Variants in PCDHGA1 observed in about 807,000 individuals in gnomAD.
PCDHGA1 encodes protocadherin gamma subfamily A, 1.
PCDHGA1 carries 32 observed loss-of-function variants against 58.0 expected under a neutral mutation model. The observed-to-expected ratio is 0.55, with a 90% CI of 0.42 to 0.74. The LOEUF is 0.74. PCDHGA1 is among the 30% of genes least tolerant of loss of function. The probability of loss-of-function intolerance (pLI) is 0.00; values close to 1 mark genes in which losing one functional copy is unlikely to be tolerated. For missense variants in PCDHGA1, 1,205 were observed against 1,182.3 expected (o/e 1.02, Z -0.28); for synonymous variants, 498 against 501.1 (o/e 0.99, Z 0.08).
chr5:141,399,589 A>G (rs1460754588), intron 1 of PCDHGA1: 6 of 1,613,866 alleles, frequency 3.7e-6, no homozygotes, highest in Non-Finnish European at 3.4e-6. Context: ...CTACTCTATC[A>G]TGGCCAGCGA....
chr5:141,478,101 T>G, intron 1 of PCDHGA1: 1 of 1,614,018 alleles, frequency 6.2e-7, no homozygotes, highest in Middle Eastern at 1.6e-4. Flanking sequence ...ACTGCTACCC[T>G]CACTGTGTCA....
intron 1 of PCDHGA1, chr5:141,357,302 C>G: frequency 3.7e-6 from 6 of 1,614,086 alleles, no homozygotes; most frequent in Non-Finnish European, 5.1e-6. Context: ...GCCGCTGTCT[C>G]CTGCGTCTTC....
rs186593502 is a variant in PCDHGA1 at position 141,429,415 on chromosome 5, A to G, written c.2422-65392A>G. Among the ~76,000 whole-genome samples, 582 of 151,976 alleles carry G rather than the reference A, an allele frequency of 3.8e-3. 6 individuals carry two copies. The highest frequency in any genetic ancestry group is 0.011 in the Admixed American group (171 of 15,260). ...AAAAAATTGAGATTAAGGTCTCATT[A>G]TGTTGCCCAGGCTGGACTCAAACTC... is the stretch of plus-strand genomic sequence containing the variant. On this transcript the variant is annotated intron_variant, in intron 1 of 3. Transcript: ENST00000517417.
rs371690754 is a variant in PCDHGA1 at position 141,388,891 on chromosome 5, T to C, written c.2421+55786T>C. 1.9e-5 allele frequency: 31 copies of C among 1,613,872 alleles called. No individual in the cohort carries two copies. Among genetic ancestry groups the C allele is most frequent in the Middle Eastern group, 1.6e-4 (1 of 6,062 alleles). On this transcript the variant is annotated intron_variant, in intron 1 of 3. Coordinates refer to ENST00000517417, the MANE Select transcript of PCDHGA1 (RefSeq NM_018912.3). ...CAATGCACAGTGGAGGTAGAAGTCA[T>C]AGATGAAAATGACAACGCCCCAGAA... is the stretch of plus-strand genomic sequence containing the variant.
intron 1 of PCDHGA1, chr5:141,355,358 G>A: frequency 1.2e-6 from 2 of 1,614,048 alleles, no homozygotes; most frequent in Non-Finnish European, 1.7e-6. Context: ...AAGGACCTGG[G>A]GTTGGCGCCC....
At chr5:141,439,126 G>A (rs2098089550) in intron 1 of PCDHGA1, among the ~76,000 whole-genome samples, 1 of 151,328 alleles carries the variant, frequency 6.6e-6, no homozygotes, top group African/African-American at 2.4e-5. Flanking sequence ...CCGGGAGACA[G>A]AGGTTGCAGT....
At chr5:141,361,549 G>C in intron 1 of PCDHGA1, 1 of 1,614,036 alleles carries the variant, frequency 6.2e-7, no homozygotes, top group Non-Finnish European at 8.5e-7. Flanking sequence ...CGCCTCTATC[G>C]CTCAAATCAG....
At chr5:141,388,365 G>A (rs2091332064) in intron 1 of PCDHGA1, 1 of 1,614,002 alleles carries the variant, frequency 6.2e-7, no homozygotes, top group East Asian at 2.2e-5. Flanking sequence ...CCATGATGCG[G>A]ATATTGGTAG....
At chr5:141,380,329 C>G (rs2150159068) in intron 1 of PCDHGA1, among the ~76,000 whole-genome samples, 1 of 152,142 alleles carries the variant, frequency 6.6e-6, no homozygotes, top group Non-Finnish European at 1.5e-5. Flanking sequence ...CTAAATGGAA[C>G]TTCAAAGAAC....
chr5:141,372,860 A>T (rs1224709282), intron 1 of PCDHGA1: 1 of 1,419,644 alleles, frequency 7.0e-7, no homozygotes, highest in African/African-American at 1.4e-5. Context: ...GTTTCAATTC[A>T]TTGATTTAGA....
At position 141,431,412 on chromosome 5, in the gene PCDHGA1, G is replaced by A. The variant is rs1458036274; in HGVS notation, c.2422-63395G>A. ...CTGGTCCTTACGGCCTCCGACGGGG[G>A]CGACCCGGTGCGCACAGGCACCGCG... On this transcript the variant is annotated intron_variant, in intron 1 of 3. Transcript: ENST00000517417. This position sits in a 1 kb window ranked among gnomAD's most constrained non-coding sequence, Gnocchi z 4.8. 1 of 1,613,596 alleles carries A rather than the reference G, an allele frequency of 6.2e-7. No homozygotes were observed. Among genetic ancestry groups the A allele is most frequent in the Non-Finnish European group, 8.5e-7 (1 of 1,180,058 alleles).
intron 1 of PCDHGA1, among the ~76,000 whole-genome samples, chr5:141,369,423 T>C (rs1766238907): frequency 6.6e-6 from 1 of 152,130 alleles, no homozygotes; most frequent in African/African-American, 2.4e-5. Context: ...TCCCAGCAAT[T>C]TGGGACGCTG....
rs769249726 is a variant in PCDHGA1 at position 141,490,832 on chromosome 5, A to C, written c.2422-3975A>C. On this transcript the variant is annotated intron_variant, in intron 1 of 3. Transcript: ENST00000517417. This position sits in a 1 kb window ranked among gnomAD's most constrained non-coding sequence, Gnocchi z 5.4. Reference sequence around the variant, plus strand: ...GACTATGAATTGCTGCAGATGCTGCAGATTGTGGTGGGGGTTCGAGACTCC... The same window carrying C: ...GACTATGAATTGCTGCAGATGCTGCCGATTGTGGTGGGGGTTCGAGACTCC... 1.5e-5 allele frequency: 25 copies of C among 1,613,796 alleles called. No individual in the cohort carries two copies. In the South Asian group the frequency reaches 2.6e-4, roughly 17 times the overall value.
At chr5:141,385,831 G>A (rs1317215192) in intron 1 of PCDHGA1, 1 of 154,298 alleles carries the variant, frequency 6.5e-6, no homozygotes, top group Non-Finnish European at 1.4e-5. Flanking sequence ...CCTATTTACA[G>A]TATAATCATT....
chr5:141,423,564 G>A (rs2096754933), intron 1 of PCDHGA1: 2 of 1,613,444 alleles, frequency 1.2e-6, no homozygotes, highest in Non-Finnish European at 1.7e-6. Context: ...ATGGGGACAC[G>A]CTCATCAGCC....
At chr5:141,449,328 C>G (rs1340432771) in intron 1 of PCDHGA1, among the ~76,000 whole-genome samples, 1 of 151,866 alleles carries the variant, frequency 6.6e-6, no homozygotes, top group African/African-American at 2.4e-5. Flanking sequence ...ATCTGTAGGC[C>G]AGGTGCAGTG....
At chr5:141,360,458 C>G (rs532873096) in intron 1 of PCDHGA1, 16 of 1,613,856 alleles carry the variant, frequency 9.9e-6, no homozygotes, top group Non-Finnish European at 1.4e-5. Flanking sequence ...GATTTCGATA[C>G]TGTCGCTGAA....
At chr5:141,472,295 A>G (rs147192748) in intron 1 of PCDHGA1, among the ~76,000 whole-genome samples, 8,225 of 152,254 alleles carry the variant, frequency 0.054, 462 homozygotes, top group African/African-American at 0.15. Flanking sequence ...TAATCCCAGC[A>G]CTTTGGGAAG....
chr5:141,413,570 A>G, intron 1 of PCDHGA1: 1 of 1,613,930 alleles, frequency 6.2e-7, no homozygotes, highest in Non-Finnish European at 8.5e-7. Context: ...GATATCAATG[A>G]CAATGCTCCA....
Sources: allele counts gnomAD v4.1 joint callset (sites outside exome capture counted in the v4.1 genomes callset), GRCh38; gene constraint gnomAD v4.1.1; non-coding constraint Gnocchi (gnomAD v3.1); transcripts MANE v1.5; gene names NCBI Gene and HGNC (gene_info 2026-07-23, HGNC 2026-07-21).